The following CNTN4 variants were observed in gnomAD, a reference collection of about 807,000 sequenced individuals.
CNTN4 encodes contactin-4.
In CNTN4, 77 loss-of-function variants were observed where a neutral mutation model predicts 122.5. The ratio of observed to expected loss-of-function variants is 0.63; its 90% confidence interval spans 0.52 to 0.76. The LOEUF (loss-of-function observed/expected upper bound fraction) is 0.76, where lower values mean the gene tolerates loss of function less well. CNTN4 is among the 30% of genes least tolerant of loss of function. The pLI, the probability that CNTN4 is intolerant of heterozygous loss-of-function variation, is 0.00. For synonymous variants in CNTN4, 512 were observed against 447.0 expected (o/e 1.15, Z -1.83); for missense variants, 1,256 against 1,259.1 (o/e 1.00, Z 0.04).
At chr3:2,957,250 A>G (rs149744603) in intron 13 of CNTN4, among the ~76,000 whole-genome samples, 81 of 152,254 alleles carry the variant, frequency 5.3e-4, no homozygotes, top group African/African-American at 1.9e-3. Context: ...TTACATTCCT[A>G]TCAGCAGTGT....
chr3:2,771,680 GA>G (rs1403713275), intron 6 of CNTN4, among the ~76,000 whole-genome samples: 3 of 152,084 alleles, frequency 2.0e-5, no homozygotes, highest in Non-Finnish European at 2.9e-5. Flanking sequence ...AAGATCTAAA[GA>G]AAAAAATCTG....
chr3:2,169,343 A>G (rs887732936), intron 2 of CNTN4, among the ~76,000 whole-genome samples: 2 of 152,194 alleles, frequency 1.3e-5, no homozygotes, highest in Non-Finnish European at 2.9e-5. Context: ...AAGATGTTTA[A>G]CGCCTTTTGA....
At chr3:2,746,379 C>T (rs2089773029) in intron 6 of CNTN4, among the ~76,000 whole-genome samples, 1 of 152,038 alleles carries the variant, frequency 6.6e-6, no homozygotes, top group Non-Finnish European at 1.5e-5. Context: ...TGTCTTAAGA[C>T]CACCATTTAA....
intron 4 of CNTN4, among the ~76,000 whole-genome samples, chr3:2,733,269 A>G (rs962527654): frequency 4.6e-5 from 7 of 152,200 alleles, no homozygotes; most frequent in East Asian, 1.9e-4. Flanking sequence ...GGGGACAACA[A>G]TGGAAATATT....
intron 11 of CNTN4, among the ~76,000 whole-genome samples, chr3:2,902,373 T>G (rs554628191): frequency 6.6e-6 from 1 of 152,238 alleles, no homozygotes; most frequent in African/African-American, 2.4e-5. Flanking sequence ...ATTAAACTAT[T>G]AATACCTACA....
chr3:2,751,344 A>G (rs954772856), intron 6 of CNTN4, among the ~76,000 whole-genome samples: 38 of 152,014 alleles, frequency 2.5e-4, no homozygotes, highest in African/African-American at 7.7e-4. Flanking sequence ...AAAAATAAAG[A>G]TGCTCATGTA....
At chr3:2,817,990 A>C (rs866314616) in intron 6 of CNTN4, among the ~76,000 whole-genome samples, 2 of 152,308 alleles carry the variant, frequency 1.3e-5, no homozygotes, top group Admixed American at 6.5e-5. Context: ...ATGTAATTCA[A>C]ATCATAGCAC....
At chr3:2,722,883 A>C (rs2087949983) in intron 4 of CNTN4, among the ~76,000 whole-genome samples, 1 of 152,246 alleles carries the variant, frequency 6.6e-6, no homozygotes, top group African/African-American at 2.4e-5. Flanking sequence ...CCTTCTGTAC[A>C]TCAATATGCT....
intron 6 of CNTN4, among the ~76,000 whole-genome samples, chr3:2,760,242 C>T (rs947210967): frequency 1.3e-5 from 2 of 152,044 alleles, no homozygotes; most frequent in African/African-American, 4.8e-5. Context: ...TCAAAGAAAC[C>T]ATTGCCTAAT....
chr3:2,368,248 G>T (rs902449381), intron 3 of CNTN4, among the ~76,000 whole-genome samples: 11 of 151,428 alleles, frequency 7.3e-5, no homozygotes, highest in African/African-American at 7.3e-5. Flanking sequence ...TAGCCAGGAT[G>T]GTCTCGATCT....
chr3:2,288,268 G>C (rs1175555712), intron 2 of CNTN4, among the ~76,000 whole-genome samples: 2 of 152,200 alleles, frequency 1.3e-5, no homozygotes, highest in Non-Finnish European at 2.9e-5. Context: ...GCTGGCACCT[G>C]CTTCTGGTGA....
At chr3:2,642,868 G>T (rs776468478) in intron 4 of CNTN4, among the ~76,000 whole-genome samples, 1 of 152,098 alleles carries the variant, frequency 6.6e-6, no homozygotes, top group Non-Finnish European at 1.5e-5. Flanking sequence ...TGTTCTGATT[G>T]TTTGGGTCTC....
chr3:2,649,953 A>G (rs2083289315), intron 4 of CNTN4, among the ~76,000 whole-genome samples: 1 of 150,894 alleles, frequency 6.6e-6, no homozygotes, highest in African/African-American at 2.4e-5. Flanking sequence ...ACATGGTGAA[A>G]CCCTGTCTAC....
intron 3 of CNTN4, among the ~76,000 whole-genome samples, chr3:2,425,999 C>T (rs946301841): frequency 1.3e-5 from 2 of 152,174 alleles, no homozygotes; most frequent in South Asian, 4.1e-4. Flanking sequence ...AATATACAAT[C>T]ATGTCTTCTG....
chr3:2,742,011 A>G (rs1161658991), intron 5 of CNTN4, among the ~76,000 whole-genome samples: 1 of 152,220 alleles, frequency 6.6e-6, no homozygotes, highest in African/African-American at 2.4e-5. Context: ...ATAATAGCAG[A>G]CTGGTACCTG....
intron 3 of CNTN4, among the ~76,000 whole-genome samples, chr3:2,453,957 G>C (rs923956272): frequency 1.3e-5 from 2 of 152,160 alleles, no homozygotes; most frequent in African/African-American, 2.4e-5. Context: ...ACACTTTCAT[G>C]ATGGGAATAT....
chr3:2,398,903 A>C (rs2046738697), intron 3 of CNTN4, among the ~76,000 whole-genome samples: 2 of 152,240 alleles, frequency 1.3e-5, no homozygotes, highest in Non-Finnish European at 2.9e-5. Flanking sequence ...TAAACTATAG[A>C]ATATGGAGGC....
intron 4 of CNTN4, among the ~76,000 whole-genome samples, chr3:2,634,412 T>C (rs1298599451): frequency 1.3e-5 from 2 of 152,186 alleles, no homozygotes; most frequent in Admixed American, 6.5e-5. Flanking sequence ...TCAGAACTTA[T>C]TCAATGCTAT....
intron 14 of CNTN4, among the ~76,000 whole-genome samples, chr3:3,024,219 T>G (rs1349491823): frequency 6.6e-6 from 1 of 152,036 alleles, no homozygotes; most frequent in Non-Finnish European, 1.5e-5. Flanking sequence ...CTTTATCAAA[T>G]AAAACCCATA....
Sources: allele counts gnomAD v4.1 joint callset (sites outside exome capture counted in the v4.1 genomes callset), GRCh38; gene constraint gnomAD v4.1.1; transcripts MANE v1.5; gene names NCBI Gene and HGNC (gene_info 2026-07-23, HGNC 2026-07-21).